The following KIF13A variants were observed in gnomAD, a reference collection of about 807,000 sequenced individuals.
KIF13A encodes kinesin-like protein KIF13A.
KIF13A carries 79 observed loss-of-function variants against 212.2 expected under a neutral mutation model. The observed-to-expected ratio is 0.37, with a 90% CI of 0.31 to 0.45. The LOEUF is 0.45. Ranked by LOEUF, KIF13A falls within the 20% of genes least tolerant of loss-of-function variation. The pLI, the probability that KIF13A is intolerant of heterozygous loss-of-function variation, is 1.00. For synonymous variants in KIF13A, 789 were observed against 808.6 expected (o/e 0.98, Z 0.41); for missense variants, 1,901 against 2,209.0 (o/e 0.86, Z 2.79).
At chr6:17,972,697 T>A (rs1246204100) in intron 2 of KIF13A, among the ~76,000 whole-genome samples, 1 of 152,082 alleles carries the variant, frequency 6.6e-6, no homozygotes, top group Non-Finnish European at 1.5e-5. Context: ...GATACAGAAA[T>A]ATTTATGGTC....
At position 17,974,503 on chromosome 6, in the gene KIF13A, C is replaced by T. The variant is rs548906666; in HGVS notation, c.146+12551G>A. On this transcript the variant is annotated intron_variant, in intron 2 of 38. Transcript: ENST00000259711. Reference sequence around the variant, plus strand: ...TCAAACCTTTGGATGGCTATACCCCCAGACACTGTGGAGCAAAGACACGTC... The same window carrying T: ...TCAAACCTTTGGATGGCTATACCCCTAGACACTGTGGAGCAAAGACACGTC... Among the ~76,000 whole-genome samples the T allele has an allele frequency of 3.9e-5, 6 of 152,312 alleles. No homozygotes were observed. In the East Asian group the frequency reaches 9.6e-4, roughly 24 times the overall value.
Position 17,919,230 on chromosome 6 carries a change from C to T in KIF13A, c.147-21050G>A, listed in dbSNP as rs558614114. 3.1e-4 allele frequency among the ~76,000 whole-genome samples: 47 copies of T among 152,230 alleles called. No individual in the cohort carries two copies. The highest frequency in any genetic ancestry group is 1.1e-3 in the African/African-American group (47 of 41,546). Reference sequence around the variant, plus strand: ...CATACGAATGGAATGTGAACAGCATCACATAACATCACAAAACATCACAGC... The same window carrying T: ...CATACGAATGGAATGTGAACAGCATTACATAACATCACAAAACATCACAGC... On this transcript the variant is annotated intron_variant, in intron 2 of 38. Coordinates refer to ENST00000259711, the MANE Select transcript of KIF13A (RefSeq NM_022113.6). This position sits in a 1 kb window ranked among gnomAD's most constrained non-coding sequence, Gnocchi z 4.1.
chr6:17,966,808 A>G (rs995216916), intron 2 of KIF13A, among the ~76,000 whole-genome samples: 2 of 152,192 alleles, frequency 1.3e-5, no homozygotes, highest in African/African-American at 2.4e-5. Context: ...ACACTAAGAA[A>G]AATATCTAAC....
Position 17,763,994 on chromosome 6 carries a change from G to A in KIF13A, c.*116C>T, listed in dbSNP as rs972979986. On this transcript the variant is annotated 3_prime_UTR_variant, in exon 39 of 39. Transcript: ENST00000259711. The stretch of plus-strand genomic sequence containing the variant: ...CTCTCCGACAGAGACAGCTGTGCAG[G>A]AAGTGAGCCTGCTTCTCTGTGGGCT... 7 of 1,461,870 alleles carry A rather than the reference G, an allele frequency of 4.8e-6. No individual in the cohort carries two copies. The highest frequency in any genetic ancestry group is 6.3e-6 in the Non-Finnish European group (7 of 1,106,372). 90.6% of individuals were successfully genotyped at this position (1,461,870 alleles called of 1,614,324 possible). A position where few individuals can be genotyped will look rare whatever the true frequency, so the allele number is the denominator to read the frequency against.
In KIF13A at chr6:17,900,423, GT is replaced by G. The variant is rs1772946839; in HGVS notation, c.147-2244del. ...TTTCAGCATTTTAAGCACTTTAAAA[GT>G]CTTTCTCACTTAGAAGATAGCCCAT... is the stretch of plus-strand genomic sequence containing the variant. On this transcript the variant is annotated intron_variant, in intron 2 of 38. Transcript: ENST00000259711. This position sits in a 1 kb window ranked among gnomAD's most constrained non-coding sequence, Gnocchi z 4.6. Among the ~76,000 whole-genome samples the G allele has an allele frequency of 6.6e-6, 1 of 152,176 alleles. No homozygotes were observed. Among genetic ancestry groups the G allele is most frequent in the South Asian group, 2.1e-4 (1 of 4,834 alleles).
intron 17 of KIF13A, chr6:17,812,007 A>C (rs1763473023): frequency 6.6e-6 from 1 of 151,102 alleles, no homozygotes; most frequent in Admixed American, 6.6e-5. Context: ...GACTATAGGC[A>C]TGTGCCACTG....
chr6:17,907,253 T>C (rs1345294781), intron 2 of KIF13A, among the ~76,000 whole-genome samples: 1 of 152,192 alleles, frequency 6.6e-6, no homozygotes, highest in Non-Finnish European at 1.5e-5. Context: ...CACAAGATCA[T>C]AGTTAACTGG....
chr6:17,894,529 C>CT (rs1772384207), intron 3 of KIF13A, among the ~76,000 whole-genome samples: 1 of 151,782 alleles, frequency 6.6e-6, no homozygotes, highest in Non-Finnish European at 1.5e-5. Flanking sequence ...AAGTTTTAGG[C>CT]TTACAAAAAA....
rs575965793 is a variant in KIF13A, at chr6:17,920,819, A to T, written c.147-22639T>A. Among the ~76,000 whole-genome samples the T allele has an allele frequency of 4.6e-5, 7 of 150,908 alleles. No homozygotes were observed. The Admixed American group carries it at 4.7e-4, about 10-fold the overall frequency. ...AACCAGGGAGGAAGAGGCTTCAGTG[A>T]GCCGAGATTGCACCACTGCACTCCA... On this transcript the variant is annotated intron_variant, in intron 2 of 38. Coordinates refer to ENST00000259711, the MANE Select transcript of KIF13A (RefSeq NM_022113.6).
At chr6:17,932,527 C>A (rs1776078401) in intron 2 of KIF13A, among the ~76,000 whole-genome samples, 1 of 152,154 alleles carries the variant, frequency 6.6e-6, no homozygotes, top group Admixed American at 6.5e-5. Flanking sequence ...CTTGATCCTG[C>A]CTGTGAATCT....
At chr6:17,818,188 G>A (rs1764118917) in intron 16 of KIF13A, among the ~76,000 whole-genome samples, 1 of 152,224 alleles carries the variant, frequency 6.6e-6, no homozygotes, top group Admixed American at 6.5e-5. Flanking sequence ...ACTGAGAGAT[G>A]CATTCTCAGA....
intron 2 of KIF13A, among the ~76,000 whole-genome samples, chr6:17,954,313 A>AG (rs1190503913): frequency 2.0e-5 from 3 of 151,988 alleles, no homozygotes; most frequent in Non-Finnish European, 4.4e-5. Context: ...CAAAAAAAAA[A>AG]AAAAAAAAAA....
chr6:17,821,733 C>T (rs13211637), intron 16 of KIF13A: 287,371 of 1,522,834 alleles, frequency 0.19, 29,069 homozygotes, highest in Admixed American at 0.34. Flanking sequence ...CAATCAGCAG[C>T]ACTGCTAAAA....
chr6:17,851,263 G>A (rs1159939826), intron 7 of KIF13A, among the ~76,000 whole-genome samples: 3 of 152,200 alleles, frequency 2.0e-5, no homozygotes, highest in Non-Finnish European at 4.4e-5. Context: ...AATGGCTGGA[G>A]AGAATCACTG....
Position 17,785,487 on chromosome 6 carries a change from G to C in KIF13A, c.3488+28C>G. 1 of 1,518,514 alleles carries C rather than the reference G, an allele frequency of 6.6e-7. No individual in the cohort carries two copies. The highest frequency in any genetic ancestry group is 1.3e-5 in the South Asian group (1 of 74,254). 94.1% of individuals were successfully genotyped at this position (1,518,514 alleles called of 1,614,324 possible). A position where few individuals can be genotyped will look rare whatever the true frequency, so the allele number is the denominator to read the frequency against. On this transcript the variant is annotated intron_variant, in intron 28 of 38. Transcript: ENST00000259711. This position sits in a 1 kb window ranked among gnomAD's most constrained non-coding sequence, Gnocchi z 5.8. ...CAGGCGACCTGTACCATCTCCCCAGGTCTGCACAGAAGGGAGGGCAGCCTT... is the reference window on the plus strand; with the variant it reads ...CAGGCGACCTGTACCATCTCCCCAGCTCTGCACAGAAGGGAGGGCAGCCTT...
rs1039121648 is a variant in KIF13A, at chr6:17,811,792, CTTT to C, written c.2001-2865_2001-2863del. Among the ~76,000 whole-genome samples the C allele has an allele frequency of 6.6e-6, 1 of 151,702 alleles. No individual in the cohort carries two copies. Among genetic ancestry groups the C allele is most frequent in the Non-Finnish European group, 1.5e-5 (1 of 67,884 alleles). ...GAATGACATTCCCAAAATATCTCAT[CTTT>C]TTTTTTCTTCCTTCCTTCCTTCCTT... On this transcript the variant is annotated intron_variant, in intron 17 of 38. Coordinates refer to ENST00000259711, the MANE Select transcript of KIF13A (RefSeq NM_022113.6). The surrounding 1 kb of genome is among the most constrained non-coding windows in gnomAD (Gnocchi z 6.0).
rs2150478463 is a variant in KIF13A at position 17,895,754 on chromosome 6, CCT to C, written c.159+2412_159+2413del. On this transcript the variant is annotated intron_variant, in intron 3 of 38. Coordinates refer to ENST00000259711, the MANE Select transcript of KIF13A (RefSeq NM_022113.6). This position sits in a 1 kb window ranked among gnomAD's most constrained non-coding sequence, Gnocchi z 4.4. ...CTAGGTTCATCTCTCTAAATTTTTACCTCTTTCTGGATCTTGGTCTAGTAATT... is the reference window on the plus strand; with the variant it reads ...CTAGGTTCATCTCTCTAAATTTTTACCTTTCTGGATCTTGGTCTAGTAATT... 1.3e-5 allele frequency among the ~76,000 whole-genome samples: 2 copies of C among 152,294 alleles called. No homozygotes were observed. The highest frequency in any genetic ancestry group is 3.9e-4 in the East Asian group (2 of 5,180).
chr6:17,759,445 AAT>A (rs920944431), downstream of KIF13A: 2 of 152,208 alleles, frequency 1.3e-5, no homozygotes, highest in African/African-American at 4.8e-5. Flanking sequence ...TAAGGTTTCC[AAT>A]ATCTTACTCA....
intron 4 of KIF13A, among the ~76,000 whole-genome samples, chr6:17,859,638 A>ATTT (rs1176958380): frequency 8.9e-5 from 10 of 111,858 alleles, no homozygotes; most frequent in African/African-American, 2.4e-4. Context: ...ATATATATAT[A>ATTT]TTTTTTTTTT....
Sources: allele counts gnomAD v4.1 joint callset (sites outside exome capture counted in the v4.1 genomes callset), GRCh38; gene constraint gnomAD v4.1.1; non-coding constraint Gnocchi (gnomAD v3.1); transcripts MANE v1.5; gene names NCBI Gene and HGNC (gene_info 2026-07-23, HGNC 2026-07-21).